Variants in CARMIL1 observed in about 807,000 individuals in gnomAD.
The protein encoded by CARMIL1 is capping protein regulator and myosin 1 linker 1.
A neutral mutation model predicts 177.1 loss-of-function variants in CARMIL1; 90 were observed. That is an observed-to-expected ratio of 0.51 (90% CI 0.43 to 0.61). The LOEUF (loss-of-function observed/expected upper bound fraction) is 0.61, where lower values mean the gene tolerates loss of function less well. CARMIL1 is among the 20% of genes least tolerant of loss of function. The probability of loss-of-function intolerance (pLI) is 0.00; values close to 1 mark genes in which losing one functional copy is unlikely to be tolerated. For missense variants in CARMIL1, 1,380 were observed against 1,667.0 expected (o/e 0.83, Z 3.00); for synonymous variants, 577 against 606.2 (o/e 0.95, Z 0.71).
At chr6:25,459,415 T>G (rs1241526073) in intron 8 of CARMIL1, among the ~76,000 whole-genome samples, 1 of 151,354 alleles carries the variant, frequency 6.6e-6, no homozygotes, top group Admixed American at 6.6e-5. Flanking sequence ...ATGTTTTACA[T>G]TTTATTTATG....
At chr6:25,606,604 T>C (rs761939039) in intron 35 of CARMIL1, among the ~76,000 whole-genome samples, 5 of 152,200 alleles carry the variant, frequency 3.3e-5, no homozygotes, top group Admixed American at 6.5e-5. Context: ...CTTTCTAATA[T>C]CTGTCTCCAG....
At chr6:25,582,504 A>G (rs1273741993) in intron 31 of CARMIL1, among the ~76,000 whole-genome samples, 1 of 152,178 alleles carries the variant, frequency 6.6e-6, no homozygotes, top group East Asian at 1.9e-4. Flanking sequence ...TGAAAGTTAG[A>G]TCCCACCTTT....
chr6:25,592,363 C>T (rs967950824), intron 31 of CARMIL1, among the ~76,000 whole-genome samples: 1 of 152,152 alleles, frequency 6.6e-6, no homozygotes, highest in Non-Finnish European at 1.5e-5. Flanking sequence ...CAATACTTTT[C>T]CAAAAGGGAA....
chr6:25,556,045 C>T (rs1810582456), intron 28 of CARMIL1, among the ~76,000 whole-genome samples: 1 of 152,112 alleles, frequency 6.6e-6, no homozygotes. Context: ...ACCTTGGTTT[C>T]AATGACTTTC....
intron 21 of CARMIL1, among the ~76,000 whole-genome samples, chr6:25,516,208 G>A (rs1805977643): frequency 6.6e-6 from 1 of 152,186 alleles, no homozygotes; most frequent in South Asian, 2.1e-4. Flanking sequence ...ATACTTCTCT[G>A]TGAGCCCAAG....
At chr6:25,500,969 A>G (rs1804261269) in intron 17 of CARMIL1, among the ~76,000 whole-genome samples, 1 of 151,558 alleles carries the variant, frequency 6.6e-6, no homozygotes, top group Non-Finnish European at 1.5e-5. Flanking sequence ...TCACTGTGTT[A>G]GCCAGGATGG....
chr6:25,616,056 T>C (rs1229569323), intron 36 of CARMIL1, among the ~76,000 whole-genome samples: 1 of 152,234 alleles, frequency 6.6e-6, no homozygotes, highest in Non-Finnish European at 1.5e-5. Flanking sequence ...CATTTACTTA[T>C]CTTCTATTAA....
At chr6:25,555,427 G>T (rs1348211136) in intron 28 of CARMIL1, among the ~76,000 whole-genome samples, 1 of 151,186 alleles carries the variant, frequency 6.6e-6, no homozygotes, top group Non-Finnish European at 1.5e-5. Flanking sequence ...TCAGGATGGA[G>T]TCTTGCTCTG....
chr6:25,410,374 A>T (rs765065279), intron 2 of CARMIL1, among the ~76,000 whole-genome samples: 1 of 152,156 alleles, frequency 6.6e-6, no homozygotes, highest in African/African-American at 2.4e-5. Flanking sequence ...TCTTCCATTT[A>T]GCATTTATTG....
chr6:25,552,746 C>T (rs1810234457), intron 27 of CARMIL1, among the ~76,000 whole-genome samples: 3 of 152,074 alleles, frequency 2.0e-5, no homozygotes, highest in South Asian at 4.1e-4. Flanking sequence ...CCACTCCTCC[C>T]CACTTTCAGA....
intron 12 of CARMIL1, among the ~76,000 whole-genome samples, chr6:25,486,503 T>TGATGAGAA (rs1276188604): frequency 6.6e-6 from 1 of 152,218 alleles, no homozygotes; most frequent in Non-Finnish European, 1.5e-5. Context: ...ATGATTTTCT[T>TGATGAGAA]GATGAGAATC....
intron 20 of CARMIL1, 149 bp downstream of exon 20, chr6:25,510,911 T>TTTAC: frequency 1.7e-6 from 1 of 586,232 alleles, no homozygotes; most frequent in Admixed American, 3.2e-5. Flanking sequence ...ATAAATACAC[T>TTTAC]TTAGTAGAGT....
At chr6:25,609,809 A>T (rs1447340978) in intron 35 of CARMIL1, among the ~76,000 whole-genome samples, 1 of 152,210 alleles carries the variant, frequency 6.6e-6, no homozygotes, top group African/African-American at 2.4e-5. Context: ...GAAATTCTTG[A>T]TCTACAGGAT....
chr6:25,542,057 C>T (rs1310722582), intron 26 of CARMIL1, among the ~76,000 whole-genome samples: 4 of 152,308 alleles, frequency 2.6e-5, no homozygotes, highest in Middle Eastern at 3.4e-3. Context: ...TATTCATATC[C>T]GTTGCCTAAT....
At chr6:25,407,578 G>C (rs561410066) in intron 2 of CARMIL1, among the ~76,000 whole-genome samples, 5 of 152,152 alleles carry the variant, frequency 3.3e-5, no homozygotes, top group Admixed American at 2.6e-4. Context: ...AACGGAATCA[G>C]GTTGCTGGGT....
At chr6:25,357,185 C>G (rs1288004484) in intron 2 of CARMIL1, among the ~76,000 whole-genome samples, 1 of 150,904 alleles carries the variant, frequency 6.6e-6, no homozygotes, top group Non-Finnish European at 1.5e-5. Context: ...AATTAGATAA[C>G]TGGAATTTCC....
intron 9 of CARMIL1, among the ~76,000 whole-genome samples, chr6:25,470,852 A>G (rs1405833862): frequency 1.3e-5 from 2 of 152,178 alleles, no homozygotes; most frequent in Non-Finnish European, 2.9e-5. Context: ...CCTAATTGCT[A>G]ATGCTATCAC....
chr6:25,525,698 A>G (rs1017463405), intron 23 of CARMIL1, among the ~76,000 whole-genome samples: 12 of 152,336 alleles, frequency 7.9e-5, no homozygotes, highest in African/African-American at 2.4e-4. Flanking sequence ...ATATTCTGTT[A>G]TAAGTTACCT....
chr6:25,481,217 T>C (rs9461178), intron 11 of CARMIL1, among the ~76,000 whole-genome samples: 2,064 of 152,276 alleles, frequency 0.014, 54 homozygotes, highest in African/African-American at 0.047. Context: ...AAAACCTGTT[T>C]AACATGATTT....
Sources: gnomAD v4.1 joint callset for allele counts (sites outside exome capture counted in the v4.1 genomes callset) on GRCh38, gnomAD v4.1.1 for gene constraint, MANE v1.5 for transcripts, NCBI Gene and HGNC (gene_info 2026-07-23, HGNC 2026-07-21) for gene names.